The following STK32A variants were observed in gnomAD, a reference collection of about 807,000 sequenced individuals.
STK32A encodes serine/threonine kinase 32A.
A neutral mutation model predicts 53.2 loss-of-function variants in STK32A; 41 were observed. The observed-to-expected ratio is 0.77, with a 90% confidence interval of 0.60 to 1.00. The LOEUF is 1.00. STK32A is among the 50% of genes least tolerant of loss of function. The pLI is 0.00. For synonymous variants in STK32A, 166 were observed against 162.8 expected (o/e 1.02, Z -0.15); for missense variants, 458 against 485.8 (o/e 0.94, Z 0.54).
At chr5:147,294,512 G>A (rs1752769381) in intron 4 of STK32A, among the ~76,000 whole-genome samples, 1 of 152,076 alleles carries the variant, frequency 6.6e-6, no homozygotes, top group South Asian at 2.1e-4. Flanking sequence ...TCTATCTTAG[G>A]ACAAAATCTA....
In STK32A at chr5:147,243,364, T is replaced by G. The variant is rs1279056516; in HGVS notation, c.52+3678T>G. ...AATTCATCCTGACACTTGTATTTCATGTTGTTCCATCTGATATCTGATCTT... is the reference window on the plus strand; with the variant it reads ...AATTCATCCTGACACTTGTATTTCAGGTTGTTCCATCTGATATCTGATCTT... On this transcript the variant is annotated intron_variant, in intron 2 of 12. Coordinates refer to ENST00000397936, the MANE Select transcript of STK32A (RefSeq NM_001112724.2). Among the ~76,000 whole-genome samples the G allele has an allele frequency of 5.0e-5, 6 of 121,036 alleles. 2 individuals are homozygous for G. Among genetic ancestry groups the G allele is most frequent in the Non-Finnish European group, 7.2e-5 (4 of 55,356 alleles). 79.4% of individuals were successfully genotyped at this position (121,036 alleles called of 152,430 possible).
chr5:147,319,931 C>T (rs1024560096), intron 4 of STK32A, among the ~76,000 whole-genome samples: 1 of 152,038 alleles, frequency 6.6e-6, no homozygotes, highest in African/African-American at 2.4e-5. Context: ...AAGTAGGTTC[C>T]CCTACTATCA....
intron 7 of STK32A, among the ~76,000 whole-genome samples, chr5:147,353,751 T>G (rs1213155402): frequency 6.6e-6 from 1 of 151,976 alleles, no homozygotes; most frequent in Non-Finnish European, 1.5e-5. Context: ...AGAGTGAGAC[T>G]CCATCTCAAA....
downstream of STK32A, among the ~76,000 whole-genome samples, chr5:147,388,618 T>C (rs928446500): frequency 6.6e-6 from 1 of 152,086 alleles, no homozygotes; most frequent in African/African-American, 2.4e-5. Context: ...TTATCCCCCA[T>C]CTCCTGCTCA....
At chr5:147,283,237 C>T (rs541308253) in intron 4 of STK32A, among the ~76,000 whole-genome samples, 1 of 152,102 alleles carries the variant, frequency 6.6e-6, no homozygotes, top group South Asian at 2.1e-4. Flanking sequence ...AAAAATTCTT[C>T]AAACTGAATG....
chr5:147,323,967 T>C lies in STK32A; in HGVS notation c.330T>C (p.Tyr110=). The part of the protein sequence containing the change: ...VDLLLGGDLR[Y]HLQQNVHFKE... ...TCCTGCTGGGTGGAGACCTGCGTTA[T>C]CACCTGCAACAGAACGTCCACTTCA... Residue 110 remains tyrosine (Y), a synonymous_variant, in exon 5 of 13, where the codon TAT becomes TAC. Transcript: ENST00000397936. The C allele has an allele frequency of 6.2e-7, 1 of 1,613,510 alleles. No homozygotes were observed. The highest frequency in any genetic ancestry group is 8.5e-7 in the Non-Finnish European group (1 of 1,179,758).
At chr5:147,336,965 G>A (rs146138012) in intron 5 of STK32A, among the ~76,000 whole-genome samples, 1 of 152,284 alleles carries the variant, frequency 6.6e-6, no homozygotes, top group African/African-American at 2.4e-5. Context: ...TCGATATACC[G>A]ATTTCCTTGT....
chr5:147,262,591 A>G (rs76378468), intron 2 of STK32A, among the ~76,000 whole-genome samples: 43,845 of 150,394 alleles, frequency 0.29, 6,684 homozygotes, highest in African/African-American at 0.35. Context: ...ATCAGGAAAA[A>G]ACAAAACAAA....
the STK32A span, chr5:147,393,954 T>C: frequency 1.4e-6 from 2 of 1,420,988 alleles, no homozygotes; most frequent in Admixed American, 3.5e-5. Context: ...GGATTCGCTT[T>C]CCTTCTTAAA....
At chr5:147,324,202 A>C in intron 5 of STK32A, 131 bp downstream of exon 5, 1 of 952,830 alleles carries the variant, frequency 1.0e-6, no homozygotes. Context: ...ACCCTGAGGT[A>C]GGTTGATTGT....
Position 147,384,535 on chromosome 5 carries a change from C to A in STK32A, c.*552C>A. On this transcript the variant is annotated 3_prime_UTR_variant, in exon 13 of 13. Coordinates refer to ENST00000397936, the MANE Select transcript of STK32A (RefSeq NM_001112724.2). ...TAAAAGTAACAGAGATGGATGAGGG[C>A]CTTCCAGTGATATGCGTGAATCAGC... is the stretch of plus-strand genomic sequence containing the variant. The A allele has an allele frequency of 9.8e-7, 1 of 1,018,840 alleles. No individual in the cohort carries two copies. The highest frequency in any genetic ancestry group is 1.4e-6 in the Non-Finnish European group (1 of 691,888). 63.1% of individuals were successfully genotyped at this position (1,018,840 alleles called of 1,614,324 possible). A position where few individuals can be genotyped will look rare whatever the true frequency, so the allele number is the denominator to read the frequency against.
intron 2 of STK32A, among the ~76,000 whole-genome samples, chr5:147,260,997 A>G (rs772514817): frequency 6.6e-6 from 1 of 152,124 alleles, no homozygotes. Context: ...TTGCCGCAGT[A>G]TGTGAGGATC....
the STK32A span, among the ~76,000 whole-genome samples, chr5:147,400,403 A>C: frequency 6.6e-6 from 1 of 152,262 alleles, no homozygotes; most frequent in African/African-American, 2.4e-5. Flanking sequence ...ACTCACTATT[A>C]TTTTAAGTAC....
chr5:147,397,624 C>T, the STK32A span: 24 of 1,586,176 alleles, frequency 1.5e-5, no homozygotes, highest in African/African-American at 2.4e-4. Context: ...GTGAGTGGAA[C>T]ACAAAGCTCC....
intron 4 of STK32A, among the ~76,000 whole-genome samples, chr5:147,316,054 CAAG>C (rs1181999699): frequency 1.3e-5 from 2 of 152,102 alleles, no homozygotes; most frequent in Non-Finnish European, 2.9e-5. Flanking sequence ...ATCCTAATAA[CAAG>C]AAAGAACAGC....
At position 147,314,519 on chromosome 5, in the gene STK32A, AAAAAAAAC is replaced by A. The variant is rs1561713468; in HGVS notation, c.261-9371_261-9364del. Among the ~76,000 whole-genome samples, 65 of 14,140 alleles carry A rather than the reference AAAAAAAAC, an allele frequency of 4.6e-3. 6 individuals are homozygous for A. The highest frequency in any genetic ancestry group is 0.011 in the African/African-American group (64 of 5,892). The allele number at this position is 14,140 out of a possible 152,430, so 9.3% of individuals were successfully genotyped here. On this transcript the variant is annotated intron_variant, in intron 4 of 12. Transcript: ENST00000397936. ...ATATCAAAAAAAACAAAAAAAAACA[AAAAAAAAC>A]AAAAAAAAAAAAAGAACAAAGATTT...
chr5:147,312,266 A>T (rs1190265322), intron 4 of STK32A, among the ~76,000 whole-genome samples: 3 of 151,470 alleles, frequency 2.0e-5, no homozygotes, highest in African/African-American at 4.8e-5. Context: ...TGCCCAGCTA[A>T]TTTTTTTTTG....
the STK32A span, among the ~76,000 whole-genome samples, chr5:147,396,652 T>C: frequency 1.3e-5 from 2 of 152,156 alleles, no homozygotes; most frequent in Admixed American, 1.3e-4. Context: ...TGACTGTATC[T>C]GTACTCCCCA....
At chr5:147,351,010 G>A (rs1324442574) in intron 6 of STK32A, 55 bp from the exon 7 acceptor site, 22 of 1,479,166 alleles carry the variant, frequency 1.5e-5, no homozygotes. Flanking sequence ...AAGCATGATT[G>A]TGCCACTGGG....
Sources: allele counts gnomAD v4.1 joint callset (sites outside exome capture counted in the v4.1 genomes callset), GRCh38; gene constraint gnomAD v4.1.1; transcripts MANE v1.5; gene names NCBI Gene and HGNC (gene_info 2026-07-23, HGNC 2026-07-21).